The following SORL1 variants were observed in gnomAD, a reference collection of about 807,000 sequenced individuals.
SORL1 encodes the protein sortilin-related receptor.
SORL1 carries 127 observed loss-of-function variants against 273.7 expected under a neutral mutation model. The ratio of observed to expected loss-of-function variants is 0.46; its 90% CI spans 0.40 to 0.54. The LOEUF is 0.54. Ranked by LOEUF, SORL1 falls within the 20% of genes least tolerant of loss-of-function variation. SORL1 has a pLI of 0.00. For synonymous variants in SORL1, 1,031 were observed against 1,067.4 expected (o/e 0.97, Z 0.66); for missense variants, 2,494 against 2,846.1 (o/e 0.88, Z 2.81).
intron 46 of SORL1, chr11:121,626,897 G>A (rs1026292438): frequency 6.5e-6 from 1 of 152,718 alleles, no homozygotes; most frequent in Non-Finnish European, 1.5e-5. Flanking sequence ...TCATCACAGA[G>A]CCTGTTTGTT....
chr11:121,499,689 C>T (rs536093016), intron 6 of SORL1, among the ~76,000 whole-genome samples: 8 of 152,344 alleles, frequency 5.3e-5, no homozygotes, highest in African/African-American at 9.6e-5. Context: ...AAGTTGGCCT[C>T]GGTCAGATAA....
chr11:121,486,533 G>A (rs1861474888), intron 3 of SORL1, among the ~76,000 whole-genome samples: 1 of 149,620 alleles, frequency 6.7e-6, no homozygotes, highest in Non-Finnish European at 1.5e-5. Context: ...AGGCTGGAGT[G>A]TAGTGGCACG....
At chr11:121,557,089 C>G (rs1340147205) in intron 18 of SORL1, 1 of 575,140 alleles carries the variant, frequency 1.7e-6, no homozygotes, top group Non-Finnish European at 3.1e-6. Flanking sequence ...TTACATGGTT[C>G]TAGCTCCTCT....
intron 1 of SORL1, among the ~76,000 whole-genome samples, chr11:121,468,260 G>A (rs1021718069): frequency 1.3e-5 from 2 of 152,092 alleles, no homozygotes; most frequent in African/African-American, 4.8e-5. Context: ...TGGACTGTGC[G>A]GGCTGGAGTC....
At chr11:121,549,163 G>C (rs542001717) in intron 14 of SORL1, among the ~76,000 whole-genome samples, 2 of 152,274 alleles carry the variant, frequency 1.3e-5, no homozygotes, top group South Asian at 2.1e-4. Context: ...GTATCTCAAA[G>C]TACAGGGTGA....
At chr11:121,588,774 G>A (rs1383031308) in intron 28 of SORL1, among the ~76,000 whole-genome samples, 5 of 152,152 alleles carry the variant, frequency 3.3e-5, no homozygotes, top group Non-Finnish European at 7.3e-5. Flanking sequence ...TGTCGGCAGG[G>A]TTGGGTTCCT....
chr11:121,582,357 C>T (rs375992301), intron 25 of SORL1, among the ~76,000 whole-genome samples: 3 of 152,194 alleles, frequency 2.0e-5, no homozygotes, highest in South Asian at 2.1e-4. Flanking sequence ...TGTTTCTTTC[C>T]GTTGTGGTGT....
intron 46 of SORL1, chr11:121,626,518 G>A (rs1310799581): frequency 6.6e-6 from 1 of 151,776 alleles, no homozygotes; most frequent in East Asian, 1.9e-4. Context: ...ATATTGAATT[G>A]TTAGATTAGG....
chr11:121,503,705 C>G (rs928777828), intron 6 of SORL1, among the ~76,000 whole-genome samples: 2 of 152,136 alleles, frequency 1.3e-5, no homozygotes, highest in African/African-American at 4.8e-5. Flanking sequence ...CTGCACCTGG[C>G]CTGTTTCTGG....
chr11:121,483,740 A>T (rs1420773948), intron 3 of SORL1, among the ~76,000 whole-genome samples: 5 of 152,154 alleles, frequency 3.3e-5, no homozygotes. Context: ...AGCCAGGGTG[A>T]AATACTGTGT....
intron 32 of SORL1, among the ~76,000 whole-genome samples, chr11:121,597,029 A>G (rs909328251): frequency 2.0e-5 from 3 of 152,180 alleles, no homozygotes; most frequent in African/African-American, 7.2e-5. Flanking sequence ...AGAGATGTGA[A>G]TTTGGTGATC....
chr11:121,487,413 G>A (rs1301175261), intron 3 of SORL1, among the ~76,000 whole-genome samples: 1 of 152,330 alleles, frequency 6.6e-6, no homozygotes. Context: ...TAAGTAGGAT[G>A]AGGCCCGTGC....
intron 23 of SORL1, among the ~76,000 whole-genome samples, chr11:121,573,756 T>C (rs1862883018): frequency 6.6e-6 from 1 of 152,224 alleles, no homozygotes; most frequent in South Asian, 2.1e-4. Context: ...CACGATTTGG[T>C]ACCCAGTCTT....
intron 2 of SORL1, among the ~76,000 whole-genome samples, chr11:121,474,486 C>CAAGTACCTT (rs1240916887): frequency 1.6e-4 from 24 of 152,134 alleles, no homozygotes; most frequent in Admixed American, 4.6e-4. Flanking sequence ...TTTATTATTA[C>CAAGTACCTT]GTAGTTTTGA....
chr11:121,612,156 G>A (rs1863574379), intron 39 of SORL1: 1 of 152,418 alleles, frequency 6.6e-6, no homozygotes, highest in Non-Finnish European at 1.5e-5. Context: ...AAGAAAAAAA[G>A]AAAAGAAAGA....
chr11:121,562,331 G>A (rs993845367), intron 21 of SORL1, among the ~76,000 whole-genome samples: 1 of 152,020 alleles, frequency 6.6e-6, no homozygotes, highest in Admixed American at 6.6e-5. Context: ...AACACATTCG[G>A]GACTTTCTAC....
At chr11:121,540,522 C>CA (rs34608652) in intron 12 of SORL1, among the ~76,000 whole-genome samples, 60,072 of 103,980 alleles carry the variant, frequency 0.58, 16,780 homozygotes, top group East Asian at 0.73. Flanking sequence ...ACTAAAAATA[C>CA]AAAAAAAAAA....
chr11:121,490,502 G>A (rs1223105120), intron 5 of SORL1, among the ~76,000 whole-genome samples: 1 of 152,082 alleles, frequency 6.6e-6, no homozygotes, highest in African/African-American at 2.4e-5. Flanking sequence ...CACTTTGGGA[G>A]GCTGAGGTGG....
intron 18 of SORL1, among the ~76,000 whole-genome samples, chr11:121,556,819 A>C (rs1862593784): frequency 6.6e-6 from 1 of 152,194 alleles, no homozygotes; most frequent in Non-Finnish European, 1.5e-5. Flanking sequence ...GTGAGTCCGC[A>C]TCAGGCTTGG....
Sources: gnomAD v4.1 joint callset for allele counts (sites outside exome capture counted in the v4.1 genomes callset) on GRCh38, gnomAD v4.1.1 for gene constraint, MANE v1.5 for transcripts, NCBI Gene and HGNC (gene_info 2026-07-23, HGNC 2026-07-21) for gene names.